Variants in SEC22C observed in about 807,000 individuals in gnomAD.
The protein encoded by SEC22C is vesicle-trafficking protein SEC22c.
Under a neutral mutation model 34.7 loss-of-function variants are expected in SEC22C, and 29 were observed. That is an observed-to-expected ratio of 0.84 (90% confidence interval 0.62 to 1.14). SEC22C has a LOEUF of 1.14. Among genes scored for constraint, SEC22C ranks in the 50% most tolerant of loss-of-function variants. The pLI is 0.00. For synonymous variants in SEC22C, 117 were observed against 132.8 expected (o/e 0.88, Z 0.82); for missense variants, 337 against 369.0 (o/e 0.91, Z 0.71).
At position 42,549,996 on chromosome 3, in the gene SEC22C, G is replaced by A. The variant is rs529789615; in HGVS notation, c.*3252C>T. 33 of 985,474 alleles carry A rather than the reference G, an allele frequency of 3.3e-5. No homozygotes were observed. In the African/African-American group the frequency reaches 5.6e-4, roughly 17 times the overall value. The allele number at this position is 985,474 out of a possible 1,614,324, so 61.0% of individuals were successfully genotyped here. ...CCCAGCTGTCTCCACCCAGGAAAAG[G>A]AAAGCCAGGTACACTTCTCATCACA... On this transcript the variant is annotated 3_prime_UTR_variant, in exon 7 of 7. Coordinates refer to ENST00000264454, the MANE Select transcript of SEC22C (RefSeq NM_032970.4).
In SEC22C at chr3:42,551,485, G is replaced by A; in HGVS notation, c.*1763C>T. On this transcript the variant is annotated 3_prime_UTR_variant, in exon 7 of 7. Transcript: ENST00000264454. Reference sequence around the variant, plus strand: ...GACTCCCAAAGTGCTGGGATTACAGGCATGTGCCATCACATCCGGCTAATT... The same window carrying A: ...GACTCCCAAAGTGCTGGGATTACAGACATGTGCCATCACATCCGGCTAATT... The A allele has an allele frequency of 4.0e-6, 2 of 499,300 alleles. No individual in the cohort carries two copies. Among genetic ancestry groups the A allele is most frequent in the Non-Finnish European group, 5.2e-6 (2 of 385,924 alleles). 30.9% of individuals were successfully genotyped at this position (499,300 alleles called of 1,614,324 possible). A position where few individuals can be genotyped will look rare whatever the true frequency, so the allele number is the denominator to read the frequency against.
chr3:42,557,027 A>T (rs1397748470), intron 5 of SEC22C, among the ~76,000 whole-genome samples: 1 of 152,190 alleles, frequency 6.6e-6, no homozygotes, highest in Non-Finnish European at 1.5e-5. Context: ...CCCGGCCGAT[A>T]CCTTCTTGAA....
chr3:42,598,086 A>G (rs1256858431), intron 1 of SEC22C, among the ~76,000 whole-genome samples: 2 of 152,222 alleles, frequency 1.3e-5, no homozygotes, highest in Admixed American at 1.3e-4. Context: ...ATATATCCAA[A>G]ATAATTGAAA....
At chr3:42,560,110 CTCTCTCTCTCTATATA>C (rs1423314820) in intron 4 of SEC22C, among the ~76,000 whole-genome samples, 3 of 107,654 alleles carry the variant, frequency 2.8e-5, no homozygotes, top group African/African-American at 5.1e-5. Flanking sequence ...CTCTCTCTCT[CTCTCTCTCTCTATATA>C]TATATATATA....
At chr3:42,579,617 AAAAAG>A (rs1559530292) in intron 1 of SEC22C, 4 of 152,280 alleles carry the variant, frequency 2.6e-5, no homozygotes, top group Non-Finnish European at 4.4e-5. Context: ...CAAAAAAAAA[AAAAAG>A]AAAAGAAAAA....
chr3:42,550,548 C>T lies in SEC22C; in HGVS notation c.*2700G>A. On this transcript the variant is annotated 3_prime_UTR_variant, in exon 7 of 7. Transcript: ENST00000264454. Reference sequence around the variant, plus strand: ...TTCTTTTAGCTAGCTGGATTTCAGTCAAACAATGTTTTTGTGGTCATTACT... The same window carrying T: ...TTCTTTTAGCTAGCTGGATTTCAGTTAAACAATGTTTTTGTGGTCATTACT... 2.0e-6 allele frequency: 2 copies of T among 985,462 alleles called. No individual in the cohort carries two copies. The highest frequency in any genetic ancestry group is 2.4e-6 in the Non-Finnish European group (2 of 829,928). 61.0% of individuals were successfully genotyped at this position (985,462 alleles called of 1,614,324 possible).
Position 42,553,300 on chromosome 3 carries a change from T to C in SEC22C, c.860A>G (p.Tyr287Cys). 1.2e-6 allele frequency: 2 copies of C among 1,614,202 alleles called. No individual in the cohort carries two copies. The highest frequency in any genetic ancestry group is 1.1e-5 in the South Asian group (1 of 91,090). ...FHIGVAFLSS[Y>C]QILTRQLQEK... ...CTGAAGCTGCCTTGTTAGTATCTGA[T>C]ATGAAGACAGAAAAGCCACTCCTAT... The change falls in exon 7 of 7, where the codon TAT becomes TGT. Residue 287 changes from tyrosine (Y) to cysteine (C), a missense_variant. Tyr to Cys is a radical substitution (Grantham distance 194, BLOSUM62 -2). Coordinates refer to ENST00000264454, the MANE Select transcript of SEC22C (RefSeq NM_032970.4).
Position 42,550,867 on chromosome 3 carries a change from A to G in SEC22C, c.*2381T>C. The stretch of plus-strand genomic sequence containing the variant: ...GTCCATTTTTAAGCCGTTCTTACCG[A>G]CTTTTTTTTTTTTTTTTTTTGAGAC... On this transcript the variant is annotated 3_prime_UTR_variant, in exon 7 of 7. Coordinates refer to ENST00000264454, the MANE Select transcript of SEC22C (RefSeq NM_032970.4). 4 of 951,696 alleles carry G rather than the reference A, an allele frequency of 4.2e-6. No individual in the cohort carries two copies. The highest frequency in any genetic ancestry group is 1.2e-6 in the Non-Finnish European group (1 of 819,826). 59.0% of individuals were successfully genotyped at this position (951,696 alleles called of 1,614,324 possible). A position where few individuals can be genotyped will look rare whatever the true frequency, so the allele number is the denominator to read the frequency against.
chr3:42,578,539 TACACACACACAC>T (rs66708395), intron 1 of SEC22C, among the ~76,000 whole-genome samples: 8 of 146,672 alleles, frequency 5.5e-5, no homozygotes, highest in Admixed American at 2.0e-4. Flanking sequence ...GTGACAGTAC[TACACACACACAC>T]ACACACACAC....
At chr3:42,601,069 G>A in exon 1 of SEC22C, 1 of 1,566,484 alleles carries the variant, frequency 6.4e-7, no homozygotes, top group Non-Finnish European at 8.6e-7. Flanking sequence ...AGCCGGGTGA[G>A]CTGGAAACTG....
upstream of SEC22C, among the ~76,000 whole-genome samples, chr3:42,586,911 C>A (rs1037926598): frequency 1.3e-5 from 2 of 152,198 alleles, no homozygotes; most frequent in African/African-American, 2.4e-5. Flanking sequence ...AGCATCTCCC[C>A]CACTGTTCCC....
chr3:42,556,178 T>G (rs1174875536), intron 5 of SEC22C, among the ~76,000 whole-genome samples, 183 bp from the exon 6 acceptor site: 1 of 152,188 alleles, frequency 6.6e-6, no homozygotes, highest in Non-Finnish European at 1.5e-5. Flanking sequence ...TTTCAACAGC[T>G]TGGTCACAGC....
In SEC22C at chr3:42,548,605, G is replaced by A; in HGVS notation, c.*4643C>T. 6.2e-7 allele frequency: 1 copy of A among 1,613,630 alleles called. No individual in the cohort carries two copies. Among genetic ancestry groups the A allele is most frequent in the South Asian group, 1.1e-5 (1 of 91,048 alleles). On this transcript the variant is annotated 3_prime_UTR_variant, in exon 7 of 7. Transcript: ENST00000264454. ...TCAGAGCTCTCCTCATTTGGGTCAG[G>A]GGTGGCTGGCTCACGAGGTTTGGTC...
At chr3:42,582,159 C>G (rs1704425362), upstream of SEC22C, 1 of 152,270 alleles carries the variant, frequency 6.6e-6, no homozygotes, top group Non-Finnish European at 1.5e-5. Flanking sequence ...GGGGCGCGCG[C>G]CTCCCAACTT....
At chr3:42,589,017 C>A (rs149712805) in intron 1 of SEC22C, among the ~76,000 whole-genome samples, 53 of 152,162 alleles carry the variant, frequency 3.5e-4, no homozygotes, top group Non-Finnish European at 7.1e-4. Context: ...GTAATCCCAG[C>A]ACTTTTGGAG....
intron 1 of SEC22C, chr3:42,579,438 C>CAAAAA (rs11326002): frequency 1.0e-5 from 1 of 98,178 alleles, no homozygotes; most frequent in Non-Finnish European, 2.2e-5. Flanking sequence ...CCCATCTCTA[C>CAAAAA]AAAAAAAAAA....
At chr3:42,577,272 A>T (rs1356385288) in intron 1 of SEC22C, among the ~76,000 whole-genome samples, 1 of 152,188 alleles carries the variant, frequency 6.6e-6, no homozygotes, top group East Asian at 1.9e-4. Flanking sequence ...AACAAAATTG[A>T]ACACTTTTCA....
rs1243063791 is a variant in SEC22C, at chr3:42,548,273, C to T, written c.*4975G>A. On this transcript the variant is annotated 3_prime_UTR_variant, in exon 7 of 7. Coordinates refer to ENST00000264454, the MANE Select transcript of SEC22C (RefSeq NM_032970.4). ...AAAAGCCCATTAAACAAAATAGAAT[C>T]CTGGGGGATCAAATCATATGAATGA... 1.6e-5 allele frequency: 4 copies of T among 254,102 alleles called. No homozygotes were observed. Among genetic ancestry groups the T allele is most frequent in the African/African-American group, 8.7e-5 (4 of 45,774 alleles). 15.7% of individuals were successfully genotyped at this position (254,102 alleles called of 1,614,324 possible). A position where few individuals can be genotyped will look rare whatever the true frequency, so the allele number is the denominator to read the frequency against.
chr3:42,568,176 T>C (rs1343528889), intron 2 of SEC22C, among the ~76,000 whole-genome samples: 2 of 152,104 alleles, frequency 1.3e-5, no homozygotes, highest in African/African-American at 2.4e-5. Context: ...ATTTTTTTCT[T>C]ATTTCTTGGC....
Sources: gnomAD v4.1 joint callset for allele counts (sites outside exome capture counted in the v4.1 genomes callset) on GRCh38, gnomAD v4.1.1 for gene constraint, MANE v1.5 for transcripts, NCBI Gene and HGNC (gene_info 2026-07-23, HGNC 2026-07-21) for gene names.